TMCC1: variants seen among roughly 807,000 people sequenced by gnomAD.
TMCC1 encodes the protein transmembrane and coiled-coil domains protein 1.
A neutral mutation model predicts 52.4 loss-of-function variants in TMCC1; 15 were observed. The ratio of observed to expected loss-of-function variants is 0.29; its 90% CI spans 0.19 to 0.44. TMCC1 has a LOEUF of 0.44. TMCC1 is among the 20% of genes least tolerant of loss of function. TMCC1 has a pLI of 1.00. For synonymous variants in TMCC1, 279 were observed against 301.9 expected (o/e 0.92, Z 0.79); for missense variants, 503 against 806.0 (o/e 0.62, Z 4.55).
rs1427103734 is a variant in TMCC1 at position 129,866,274 on chromosome 3, TATATATACATATATACATAATATATA to T, written c.-184+14009_-184+14034del. ...TATAATATATATTATACATATATAA[TATATATACATATATACATAATATATA>T]ATATATACATATATTATATATACAT... On this transcript the variant is annotated intron_variant, in intron 2 of 6. Coordinates refer to ENST00000393238, the MANE Select transcript of TMCC1 (RefSeq NM_001017395.5). Among the ~76,000 whole-genome samples, 4 of 139,854 alleles carry T rather than the reference TATATATACATATATACATAATATATA, an allele frequency of 2.9e-5. No individual in the cohort carries two copies. The Admixed American group carries it at 2.9e-4, about 10-fold the overall frequency. 91.7% of individuals were successfully genotyped at this position (139,854 alleles called of 152,430 possible). A position where few individuals can be genotyped will look rare whatever the true frequency, so the allele number is the denominator to read the frequency against.
At chr3:129,881,338 G>A (rs1361267030) in intron 1 of TMCC1, among the ~76,000 whole-genome samples, 1 of 152,120 alleles carries the variant, frequency 6.6e-6, no homozygotes, top group Non-Finnish European at 1.5e-5. Context: ...TCTATTTCAA[G>A]TTTTTTGTAG....
At chr3:129,715,047 C>G (rs546689528) in intron 4 of TMCC1, among the ~76,000 whole-genome samples, 151 of 152,250 alleles carry the variant, frequency 9.9e-4, no homozygotes, top group African/African-American at 3.4e-3. Flanking sequence ...GTAGAGGACT[C>G]CCTGTATTTT....
At chr3:129,789,702 G>A (rs7625799) in intron 4 of TMCC1, among the ~76,000 whole-genome samples, 94,934 of 151,908 alleles carry the variant, frequency 0.62, 34,837 homozygotes, top group Non-Finnish European at 0.83. Flanking sequence ...GGATGGTCTC[G>A]ATCTCCTGAC....
chr3:129,798,524 CA>C lies in TMCC1; in HGVS notation c.576+29278del, dbSNP rs796919072. The stretch of plus-strand genomic sequence containing the variant: ...TCATTGCTAAAAGATTCTTCCTATC[CA>C]AAAAAAAAAAAAAAAAAAAAAGGAA... On this transcript the variant is annotated intron_variant, in intron 4 of 6. Transcript: ENST00000393238. Among the ~76,000 whole-genome samples, 294 of 67,890 alleles carry C rather than the reference CA, an allele frequency of 4.3e-3. 1 individual carries two copies. Among genetic ancestry groups the C allele is most frequent in the Middle Eastern group, 0.011 (1 of 94 alleles). The allele number at this position is 67,890 out of a possible 152,430, so 44.5% of individuals were successfully genotyped here. A position where few individuals can be genotyped will look rare whatever the true frequency, so the allele number is the denominator to read the frequency against.
chr3:129,761,222 G>T (rs1387454394), intron 4 of TMCC1, among the ~76,000 whole-genome samples: 8 of 152,022 alleles, frequency 5.3e-5, no homozygotes, highest in African/African-American at 1.9e-4. Flanking sequence ...CAGCTACTCG[G>T]GAGGGTGAGG....
chr3:129,760,727 T>A (rs1382840222), intron 4 of TMCC1, among the ~76,000 whole-genome samples: 1 of 151,718 alleles, frequency 6.6e-6, no homozygotes, highest in Non-Finnish European at 1.5e-5. Context: ...TCTGCCCGCC[T>A]CGGGCTTCCA....
At chr3:129,833,568 T>C (rs1012622592) in intron 2 of TMCC1, among the ~76,000 whole-genome samples, 2 of 152,026 alleles carry the variant, frequency 1.3e-5, no homozygotes, top group Admixed American at 1.3e-4. Flanking sequence ...AGACCCTGTC[T>C]CAATTTTAAA....
chr3:129,754,231 A>C (rs1304974345), intron 4 of TMCC1, among the ~76,000 whole-genome samples: 1 of 152,218 alleles, frequency 6.6e-6, no homozygotes, highest in Non-Finnish European at 1.5e-5. Context: ...AAGAAACCAA[A>C]GAAGAGTCAA....
At chr3:129,748,866 G>A (rs984921027) in intron 4 of TMCC1, among the ~76,000 whole-genome samples, 1 of 151,922 alleles carries the variant, frequency 6.6e-6, no homozygotes, top group African/African-American at 2.4e-5. Flanking sequence ...AGCTGGGCCT[G>A]GTGACTTATA....
At chr3:129,820,299 T>C (rs2058354004) in intron 4 of TMCC1, among the ~76,000 whole-genome samples, 1 of 151,652 alleles carries the variant, frequency 6.6e-6, no homozygotes, top group African/African-American at 2.4e-5. Flanking sequence ...CACAGTACAG[T>C]TGTTTGTAGT....
intron 4 of TMCC1, among the ~76,000 whole-genome samples, chr3:129,769,670 C>T (rs895005576): frequency 2.0e-5 from 3 of 151,050 alleles, no homozygotes; most frequent in Non-Finnish European, 4.4e-5. Flanking sequence ...CACCCCTAAT[C>T]TAAAGCAAAT....
intron 4 of TMCC1, among the ~76,000 whole-genome samples, chr3:129,786,230 G>A (rs548232509): frequency 2.4e-4 from 37 of 152,028 alleles, no homozygotes; most frequent in Non-Finnish European, 4.7e-4. Context: ...GTGAGCTGCC[G>A]TACCCAGCCA....
chr3:129,686,395 C>A (rs181393283), intron 4 of TMCC1, among the ~76,000 whole-genome samples: 3 of 152,278 alleles, frequency 2.0e-5, no homozygotes, highest in Admixed American at 2.0e-4. Context: ...AGCCACCATG[C>A]CTGACCTAGA....
At chr3:129,695,115 A>AC (rs2047311133) in intron 4 of TMCC1, among the ~76,000 whole-genome samples, 1 of 103,830 alleles carries the variant, frequency 9.6e-6, no homozygotes, top group African/African-American at 3.2e-5. Flanking sequence ...AAAAAAAAAA[A>AC]AAAAAAAAAA....
At chr3:129,875,235 T>C (rs923968761) in intron 2 of TMCC1, among the ~76,000 whole-genome samples, 1 of 150,864 alleles carries the variant, frequency 6.6e-6, no homozygotes, top group Non-Finnish European at 1.5e-5. Context: ...ACACCTGTAA[T>C]CCCAGCACTG....
At chr3:129,864,291 C>T (rs1387708921) in intron 2 of TMCC1, among the ~76,000 whole-genome samples, 1 of 152,164 alleles carries the variant, frequency 6.6e-6, no homozygotes, top group Admixed American at 6.5e-5. Context: ...TGCCTAAGAT[C>T]TCACAGCTTA....
intron 2 of TMCC1, chr3:129,867,017 A>T (rs1208713742): frequency 6.6e-6 from 1 of 152,036 alleles, no homozygotes; most frequent in Non-Finnish European, 1.5e-5. Flanking sequence ...TACCTGTTTC[A>T]CCTAACTCCA....
intron 4 of TMCC1, among the ~76,000 whole-genome samples, chr3:129,749,156 T>A (rs1201752144): frequency 6.6e-6 from 1 of 150,458 alleles, no homozygotes; most frequent in Non-Finnish European, 1.5e-5. Context: ...ATTACCCTAC[T>A]TGTTTAAAAT....
At chr3:129,761,985 T>G (rs1344549865) in intron 4 of TMCC1, among the ~76,000 whole-genome samples, 1 of 68,602 alleles carries the variant, frequency 1.5e-5, no homozygotes, top group African/African-American at 4.6e-5. Flanking sequence ...AGCAAGACTC[T>G]GTCTCAAAAA....
Sources: allele counts gnomAD v4.1 joint callset (sites outside exome capture counted in the v4.1 genomes callset), GRCh38; gene constraint gnomAD v4.1.1; transcripts MANE v1.5; gene names NCBI Gene and HGNC (gene_info 2026-07-23, HGNC 2026-07-21).